The following WDR72 variants were observed in gnomAD, a reference collection of about 807,000 sequenced individuals.
WDR72 encodes WD repeat domain 72.
Under a neutral mutation model 124.2 loss-of-function variants are expected in WDR72, and 120 were observed. The observed-to-expected ratio is 0.97, with a 90% CI of 0.83 to 1.12. WDR72 has a LOEUF of 1.12. Among genes scored for constraint, WDR72 ranks in the 50% most tolerant of loss-of-function variants. WDR72 has a pLI of 0.00. For synonymous variants in WDR72, 452 were observed against 441.7 expected (o/e 1.02, Z -0.29); for missense variants, 1,387 against 1,278.8 (o/e 1.08, Z -1.29).
chr15:53,520,779 CA>C (rs1273597611), intron 19 of WDR72, among the ~76,000 whole-genome samples: 2 of 151,984 alleles, frequency 1.3e-5, no homozygotes, highest in Non-Finnish European at 2.9e-5. Context: ...AGTGAAAAGT[CA>C]TATTTTTATA....
At chr15:53,555,694 G>A (rs1893905045) in intron 18 of WDR72, among the ~76,000 whole-genome samples, 1 of 151,894 alleles carries the variant, frequency 6.6e-6, no homozygotes, top group Non-Finnish European at 1.5e-5. Context: ...AATGAACTTT[G>A]ATTTATTTGT....
At chr15:53,732,921 T>C in intron 2 of WDR72, 76 bp downstream of exon 2, 2 of 1,554,166 alleles carry the variant, frequency 1.3e-6, no homozygotes, top group Non-Finnish European at 1.8e-6. Flanking sequence ...CCTTCCACTG[T>C]CATTGCAGAT....
chr15:53,712,669 A>T (rs2017578844), intron 7 of WDR72, 103 bp downstream of exon 7: 1 of 1,178,726 alleles, frequency 8.5e-7, no homozygotes, highest in East Asian at 2.6e-5. Context: ...TAATACTATT[A>T]CAGAGAATTT....
chr15:53,669,128 C>A (rs903233948), intron 13 of WDR72, among the ~76,000 whole-genome samples: 5 of 152,016 alleles, frequency 3.3e-5, no homozygotes, highest in South Asian at 4.2e-4. Flanking sequence ...TAGTGTCTTC[C>A]CCAGTACAGC....
intron 14 of WDR72, among the ~76,000 whole-genome samples, chr15:53,630,340 G>A (rs1236991445): frequency 6.6e-6 from 1 of 152,104 alleles, no homozygotes; most frequent in Non-Finnish European, 1.5e-5. Context: ...AGTGGTGCGA[G>A]AACACTTCCC....
intron 18 of WDR72, among the ~76,000 whole-genome samples, chr15:53,528,765 C>T (rs1595731728): frequency 1.3e-5 from 2 of 151,974 alleles, no homozygotes; most frequent in South Asian, 2.1e-4. Flanking sequence ...TATGGCTAGA[C>T]CCCCAGCCAA....
At chr15:53,730,906 G>A (rs1380061836) in intron 2 of WDR72, among the ~76,000 whole-genome samples, 2 of 152,008 alleles carry the variant, frequency 1.3e-5, no homozygotes, top group Non-Finnish European at 2.9e-5. Context: ...ATTTTTTTCA[G>A]TCTGGAGTTT....
chr15:53,747,081 A>T (rs1205438665), intron 1 of WDR72, among the ~76,000 whole-genome samples: 1 of 152,172 alleles, frequency 6.6e-6, no homozygotes, highest in African/African-American at 2.4e-5. Context: ...ACTATGAACC[A>T]AGCAGCCTCT....
intron 18 of WDR72, among the ~76,000 whole-genome samples, chr15:53,551,383 G>A (rs1893722001): frequency 6.6e-6 from 1 of 152,136 alleles, no homozygotes; most frequent in Non-Finnish European, 1.5e-5. Flanking sequence ...AGATCGTACT[G>A]ACTGCTGTAA....
At position 53,515,106 on chromosome 15, in the gene WDR72, CAA is replaced by C. The variant is rs1555402423; in HGVS notation, c.*2591_*2592del. ...ATGTATACACACACACACACACACA[CAA>C]ATACATTCATAAATATCACCAAGAT... On this transcript the variant is annotated 3_prime_UTR_variant, in exon 20 of 20. Coordinates refer to ENST00000360509, the MANE Select transcript of WDR72 (RefSeq NM_182758.4). 7.5e-6 allele frequency: 1 copy of C among 134,094 alleles called. No individual in the cohort carries two copies. Among genetic ancestry groups the C allele is most frequent in the South Asian group, 2.4e-4 (1 of 4,124 alleles). The allele number at this position is 134,094 out of a possible 1,614,324, so 8.3% of individuals were successfully genotyped here. A position where few individuals can be genotyped will look rare whatever the true frequency, so the allele number is the denominator to read the frequency against.
intron 3 of WDR72, among the ~76,000 whole-genome samples, chr15:53,719,745 A>C (rs2017820117): frequency 6.6e-6 from 1 of 152,168 alleles, no homozygotes; most frequent in Admixed American, 6.5e-5. Flanking sequence ...CCTAGCCCAG[A>C]CCTACTACAT....
rs1257607223 is a variant in WDR72, at chr15:53,710,957, C to T, written c.858-4G>A. ...GTATATGCTTTTTGAAAGCCCACTG[C>T]GTGGCAAAAATAAAAAGCAAAGTTT... On this transcript the variant is annotated splice_region_variant and splice_polypyrimidine_tract_variant and intron_variant, in intron 8 of 19. Coordinates refer to ENST00000360509, the MANE Select transcript of WDR72 (RefSeq NM_182758.4). The T allele has an allele frequency of 6.8e-6, 11 of 1,611,488 alleles. No homozygotes were observed. Among genetic ancestry groups the T allele is most frequent in the Admixed American group, 1.7e-5 (1 of 59,988 alleles).
chr15:53,695,462 G>T (rs2016974388), intron 13 of WDR72, among the ~76,000 whole-genome samples: 2 of 152,220 alleles, frequency 1.3e-5, no homozygotes, highest in Non-Finnish European at 2.9e-5. Context: ...GCCCAGAGTT[G>T]TCAGTGCCAA....
chr15:53,532,539 T>C (rs1470858035), intron 18 of WDR72, among the ~76,000 whole-genome samples: 2 of 151,998 alleles, frequency 1.3e-5, no homozygotes, highest in Non-Finnish European at 2.9e-5. Context: ...ATAAGTCAGG[T>C]ACAGAAAAAC....
At chr15:53,520,144 G>A (rs1004299241) in intron 19 of WDR72, among the ~76,000 whole-genome samples, 1 of 152,002 alleles carries the variant, frequency 6.6e-6, no homozygotes, top group Non-Finnish European at 1.5e-5. Context: ...AGAGTTTAAA[G>A]TAAAATGATG....
chr15:53,536,022 C>G (rs1892741968), intron 18 of WDR72, among the ~76,000 whole-genome samples: 1 of 152,174 alleles, frequency 6.6e-6, no homozygotes, highest in African/African-American at 2.4e-5. Flanking sequence ...CTTGATGAAT[C>G]TGAGTCCAGA....
intron 13 of WDR72, among the ~76,000 whole-genome samples, chr15:53,676,054 C>T (rs1451450537): frequency 6.6e-6 from 1 of 152,116 alleles, no homozygotes; most frequent in Admixed American, 6.5e-5. Context: ...CACTATACTC[C>T]TAGGTCCCCA....
chr15:53,520,678 G>T (rs933558370), intron 19 of WDR72, among the ~76,000 whole-genome samples: 1 of 151,962 alleles, frequency 6.6e-6, no homozygotes, highest in Non-Finnish European at 1.5e-5. Flanking sequence ...GTAAATAGAG[G>T]TAACTAAACC....
intron 2 of WDR72, among the ~76,000 whole-genome samples, chr15:53,729,497 A>G (rs2018138185): frequency 7.5e-6 from 1 of 133,090 alleles, no homozygotes; most frequent in Non-Finnish European, 1.7e-5. Flanking sequence ...AAAAAAAAAC[A>G]AAACAAAACT....
Sources: allele counts gnomAD v4.1 joint callset (sites outside exome capture counted in the v4.1 genomes callset), GRCh38; gene constraint gnomAD v4.1.1; transcripts MANE v1.5; gene names NCBI Gene and HGNC (gene_info 2026-07-23, HGNC 2026-07-21).